Variants in CDC37 observed in about 807,000 individuals in gnomAD.
CDC37 encodes the protein cell division cycle 37, HSP90 cochaperone.
CDC37 carries 9 observed loss-of-function variants against 46.9 expected under a neutral mutation model. That is an observed-to-expected ratio of 0.19 (90% CI 0.12 to 0.33). The LOEUF is 0.33. CDC37 is among the 10% of genes least tolerant of loss of function. The probability of loss-of-function intolerance (pLI) is 1.00; values close to 1 mark genes in which losing one functional copy is unlikely to be tolerated. For synonymous variants in CDC37, 193 were observed against 191.0 expected, an observed-to-expected ratio of 1.01 and a Z score of -0.09; for missense variants, 388 against 514.6, an observed-to-expected ratio of 0.75 and a Z score of 2.38.
intron 5 of CDC37, 45 bp downstream of exon 5, chr19:10,394,976 C>T (rs768746057): frequency 1.3e-6 from 2 of 1,508,722 alleles, no homozygotes; most frequent in South Asian, 1.4e-5. Context: ...GGGCTGGTTC[C>T]CTGGGGAGGG....
chr19:10,402,049 C>A (rs1358368658), intron 1 of CDC37, among the ~76,000 whole-genome samples: 2 of 149,478 alleles, frequency 1.3e-5, no homozygotes, highest in Non-Finnish European at 3.0e-5. Context: ...CCCAGCTACT[C>A]AGGAGGCTGA....
intron 1 of CDC37, among the ~76,000 whole-genome samples, chr19:10,401,699 G>A (rs992470408): frequency 6.6e-6 from 1 of 152,150 alleles, no homozygotes; most frequent in African/African-American, 2.4e-5. Flanking sequence ...AGTGGGACTG[G>A]GAGCTAGATG....
intron 1 of CDC37, among the ~76,000 whole-genome samples, chr19:10,401,970 C>A (rs1013639062): frequency 1.3e-5 from 2 of 151,876 alleles, no homozygotes; most frequent in African/African-American, 4.8e-5. Flanking sequence ...GCCTGACCAA[C>A]ATGGAGAAAC....
chr19:10,393,211 G>T lies in CDC37; in HGVS notation c.909+48C>A. The T allele has an allele frequency of 1.9e-6, 3 of 1,612,196 alleles. No individual in the cohort carries two copies. The highest frequency in any genetic ancestry group is 2.5e-6 in the Non-Finnish European group (3 of 1,178,618). ...GGCTGGGTCCCTGTGGCCCTGGGGG[G>T]TCCCGCTCAGGGTCTTCCTGCTGCC... On this transcript the variant is annotated intron_variant, in intron 6 of 7. Coordinates refer to ENST00000222005, the MANE Select transcript of CDC37 (RefSeq NM_007065.4). This position sits in a 1 kb window ranked among gnomAD's most constrained non-coding sequence, Gnocchi z 4.9.
At chr19:10,402,915 C>T (rs1370861496) in intron 1 of CDC37, among the ~76,000 whole-genome samples, 1 of 151,672 alleles carries the variant, frequency 6.6e-6, no homozygotes, top group Non-Finnish European at 1.5e-5. Flanking sequence ...AAAGTAGATC[C>T]CGGGACAGAC....
At chr19:10,402,862 G>A (rs1452726512) in intron 1 of CDC37, among the ~76,000 whole-genome samples, 1 of 152,006 alleles carries the variant, frequency 6.6e-6, no homozygotes, top group Non-Finnish European at 1.5e-5. Context: ...GAAAAGGAGT[G>A]GCGACTCCGG....
Position 10,403,402 on chromosome 19 carries a change from G to A in CDC37, c.78C>T (p.Ala26=), listed in dbSNP as rs746820651. Residue 26 remains alanine (A), a synonymous_variant, in exon 1 of 8, where the codon GCC becomes GCT. Transcript: ENST00000222005. ...CCTGATGCCGCCAGCGGAAGAGACTGGCCGTGTCGATGTTGGGGTGCGTCT... is the reference window on the plus strand; with the variant it reads ...CCTGATGCCGCCAGCGGAAGAGACTAGCCGTGTCGATGTTGGGGTGCGTCT... The part of the protein sequence containing the change: ...EDETHPNIDT[A]SLFRWRHQAR... The A allele has an allele frequency of 8.1e-6, 13 of 1,613,044 alleles. No individual in the cohort carries two copies. The highest frequency in any genetic ancestry group is 1.1e-5 in the Non-Finnish European group (13 of 1,179,830).
At chr19:10,392,790 T>A (rs2042464603) in intron 7 of CDC37, 2 of 481,154 alleles carry the variant, frequency 4.2e-6, no homozygotes, top group Non-Finnish European at 7.4e-6. Flanking sequence ...ACGCATTTTG[T>A]GAGCTGATAT....
chr19:10,393,652 C>T lies in CDC37; in HGVS notation c.727-211G>A. ...AGACCACCTGCTTGGGAGCCCTGCTCTACTGCAGATCTGAGACACTCATGT... is the reference window on the plus strand; with the variant it reads ...AGACCACCTGCTTGGGAGCCCTGCTTTACTGCAGATCTGAGACACTCATGT... On this transcript the variant is annotated intron_variant, in intron 5 of 7. Coordinates refer to ENST00000222005, the MANE Select transcript of CDC37 (RefSeq NM_007065.4). This position sits in a 1 kb window ranked among gnomAD's most constrained non-coding sequence, Gnocchi z 4.9. 3 of 560,102 alleles carry T rather than the reference C, an allele frequency of 5.4e-6. No homozygotes were observed. In the South Asian group the frequency reaches 7.3e-5, roughly 14 times the overall value. 34.7% of individuals were successfully genotyped at this position (560,102 alleles called of 1,614,324 possible). A position where few individuals can be genotyped will look rare whatever the true frequency, so the allele number is the denominator to read the frequency against.
At chr19:10,403,142 T>C (rs2042528830) in intron 1 of CDC37, among the ~76,000 whole-genome samples, 1 of 149,228 alleles carries the variant, frequency 6.7e-6, no homozygotes, top group Non-Finnish European at 1.5e-5. Context: ...TTCTAGGGGG[T>C]GAATAGGGAA....
At chr19:10,400,404 A>T (rs1214176852) in intron 1 of CDC37, among the ~76,000 whole-genome samples, 1 of 151,986 alleles carries the variant, frequency 6.6e-6, no homozygotes, top group African/African-American at 2.4e-5. Context: ...TTTTTTTAAG[A>T]GACAAGGTCT....
At chr19:10,395,614 C>G (rs751065555) in intron 2 of CDC37, 71 bp from the exon 3 acceptor site, 6 of 1,230,418 alleles carry the variant, frequency 4.9e-6, no homozygotes, top group South Asian at 4.8e-5. Flanking sequence ...CCGGGCGGGC[C>G]GTGGTCGCAG....
Position 10,396,316 on chromosome 19 carries a change from C to G in CDC37, c.103-113G>C. The G allele has an allele frequency of 8.0e-7, 1 of 1,251,644 alleles. No homozygotes were observed. The highest frequency in any genetic ancestry group is 1.1e-6 in the Non-Finnish European group (1 of 907,920). 77.5% of individuals were successfully genotyped at this position (1,251,644 alleles called of 1,614,324 possible). On this transcript the variant is annotated intron_variant, in intron 1 of 7. Coordinates refer to ENST00000222005, the MANE Select transcript of CDC37 (RefSeq NM_007065.4). The surrounding 1 kb of genome is among the most constrained non-coding windows in gnomAD (Gnocchi z 5.9). ...CAGGAAAAAGTACGCGTCCACCTCC[C>G]GTGCCCTGGTCTCCCAGCTTCCGCC...
In CDC37 at chr19:10,395,918, C is replaced by T. The variant is rs1394267331; in HGVS notation, c.378+10G>A. The T allele has an allele frequency of 6.2e-7, 1 of 1,610,080 alleles. No individual in the cohort carries two copies. The highest frequency in any genetic ancestry group is 1.7e-5 in the Admixed American group (1 of 59,816). On this transcript the variant is annotated intron_variant, in intron 2 of 7. Coordinates refer to ENST00000222005, the MANE Select transcript of CDC37 (RefSeq NM_007065.4). ...GCATGCGCACTGCCCGCCCCGCCCG[C>T]CCCGCACACCTTGCTGAAGCCGTCT...
rs570640804 is a variant in CDC37 at position 10,400,583 on chromosome 19, C to A, written c.102+2795G>T. On this transcript the variant is annotated intron_variant, in intron 1 of 7. Coordinates refer to ENST00000222005, the MANE Select transcript of CDC37 (RefSeq NM_007065.4). ...GGCATGGTGGTGTGTACCTGTGGTCCCAGCTACTCAGGAGGCAGAAGTAGG... is the reference window on the plus strand; with the variant it reads ...GGCATGGTGGTGTGTACCTGTGGTCACAGCTACTCAGGAGGCAGAAGTAGG... 3.9e-5 allele frequency: 6 copies of A among 152,162 alleles called. No homozygotes were observed. The South Asian group carries it at 1.2e-3, about 32-fold the overall frequency. The allele number at this position is 152,162 out of a possible 1,614,324, so 9.4% of individuals were successfully genotyped here.
chr19:10,395,754 G>A, intron 2 of CDC37, 174 bp downstream of exon 2: 1 of 570,940 alleles, frequency 1.8e-6, no homozygotes, highest in Middle Eastern at 4.0e-4. Flanking sequence ...GGCCCCCCAA[G>A]CCTGTCCCCC....
rs923130618 is a variant in CDC37 at position 10,398,086 on chromosome 19, T to C, written c.103-1883A>G. On this transcript the variant is annotated intron_variant, in intron 1 of 7. Coordinates refer to ENST00000222005, the MANE Select transcript of CDC37 (RefSeq NM_007065.4). The surrounding 1 kb of genome is among the most constrained non-coding windows in gnomAD (Gnocchi z 4.2). ...CCCTGAAACGTGCCACCACCTTCAA[T>C]TGCTGACCCTCTCCAATCCAGGCAC... 6.6e-6 allele frequency among the ~76,000 whole-genome samples: 1 copy of C among 152,146 alleles called. No homozygotes were observed. The highest frequency in any genetic ancestry group is 2.4e-5 in the African/African-American group (1 of 41,420).
chr19:10,393,535 C>G lies in CDC37; in HGVS notation c.727-94G>C. The G allele has an allele frequency of 1.6e-6, 2 of 1,270,848 alleles. No individual in the cohort carries two copies. Among genetic ancestry groups the G allele is most frequent in the Non-Finnish European group, 2.2e-6 (2 of 928,366 alleles). 78.7% of individuals were successfully genotyped at this position (1,270,848 alleles called of 1,614,324 possible). ...CTCCAGCCACAGCTCCTCAGAGGCG[C>G]CCCACGGTTCCCCAAGTCTATTCCT... On this transcript the variant is annotated intron_variant, in intron 5 of 7. Transcript: ENST00000222005. This position sits in a 1 kb window ranked among gnomAD's most constrained non-coding sequence, Gnocchi z 4.9.
In CDC37 at chr19:10,391,170, T is replaced by C. The variant is rs1223596695; in HGVS notation, c.*381A>G. 1 of 277,324 alleles carries C rather than the reference T, an allele frequency of 3.6e-6. No homozygotes were observed. The allele number at this position is 277,324 out of a possible 1,614,324, so 17.2% of individuals were successfully genotyped here. A position where few individuals can be genotyped will look rare whatever the true frequency, so the allele number is the denominator to read the frequency against. ...TCTTTTATTGGAAGATCATTGCTGT[T>C]TGCCAAATAGAAGACACAGACAGCA... On this transcript the variant is annotated 3_prime_UTR_variant, in exon 8 of 8. Transcript: ENST00000222005.
Sources: gnomAD v4.1 joint callset for allele counts (sites outside exome capture counted in the v4.1 genomes callset) on GRCh38, gnomAD v4.1.1 for gene constraint, Gnocchi (gnomAD v3.1) non-coding constraint, MANE v1.5 for transcripts, NCBI Gene and HGNC (gene_info 2026-07-23, HGNC 2026-07-21) for gene names.